Variants in RAP1GAP2 observed in about 807,000 individuals in gnomAD.
RAP1GAP2 encodes the protein RAP1 GTPase activating protein 2.
A neutral mutation model predicts 95.0 loss-of-function variants in RAP1GAP2; 27 were observed. The ratio of observed to expected loss-of-function variants is 0.28; its 90% confidence interval spans 0.21 to 0.39. The LOEUF is 0.39. Ranked by LOEUF, RAP1GAP2 falls within the 10% of genes least tolerant of loss-of-function variation. The pLI is 1.00. For missense variants in RAP1GAP2, 771 were observed against 970.0 expected (o/e 0.79, Z 2.72); for synonymous variants, 373 against 380.9 (o/e 0.98, Z 0.24).
chr17:3,017,922 T>C, intron 17 of RAP1GAP2, 139 bp from the exon 18 acceptor site: 1 of 720,092 alleles, frequency 1.4e-6, no homozygotes, highest in Non-Finnish European at 2.2e-6. Flanking sequence ...TGACCGTGTG[T>C]GTGTGTGTGT....
intron 2 of RAP1GAP2, among the ~76,000 whole-genome samples, chr17:2,860,682 C>T (rs1318635288): frequency 6.9e-6 from 1 of 145,188 alleles, no homozygotes; most frequent in Non-Finnish European, 1.5e-5. Flanking sequence ...CAGCTCACTG[C>T]AGCCTCCGCC....
Position 2,904,487 on chromosome 17 carries a change from G to A in RAP1GAP2, c.81-797G>A, listed in dbSNP as rs945783764. 1.3e-5 allele frequency among the ~76,000 whole-genome samples: 2 copies of A among 151,278 alleles called. No homozygotes were observed. Among genetic ancestry groups the A allele is most frequent in the South Asian group, 2.1e-4 (1 of 4,806 alleles). On this transcript the variant is annotated intron_variant, in intron 2 of 24. Transcript: ENST00000254695. The surrounding 1 kb of genome is among the most constrained non-coding windows in gnomAD (Gnocchi z 4.7). ...AGTTAAGTTTTACCTGCGGTTGCAC[G>A]GCAGGCAGCCCTGTCTCCCGAGGAC...
At chr17:2,947,240 G>A (rs1329753427) in intron 3 of RAP1GAP2, among the ~76,000 whole-genome samples, 2 of 151,800 alleles carry the variant, frequency 1.3e-5, no homozygotes, top group East Asian at 1.9e-4. Context: ...AAGGGAAAGA[G>A]GAGCAAGCAG....
intron 3 of RAP1GAP2, among the ~76,000 whole-genome samples, chr17:2,932,816 CAAAAAAAGAAAAA>C (rs1351371747): frequency 9.8e-5 from 1 of 10,166 alleles, no homozygotes; most frequent in African/African-American, 3.3e-4. Context: ...GACTCCATCT[CAAAAAAAGAAAAA>C]AAAAAAAAAA....
At chr17:2,845,299 C>T (rs141982969) in intron 2 of RAP1GAP2, among the ~76,000 whole-genome samples, 581 of 152,236 alleles carry the variant, frequency 3.8e-3, no homozygotes, top group African/African-American at 8.9e-3. Flanking sequence ...CCCACCACCA[C>T]GCCCAGCTAA....
intron 10 of RAP1GAP2, 88 bp from the exon 11 acceptor site, chr17:2,984,895 C>T: frequency 1.3e-6 from 2 of 1,569,976 alleles, no homozygotes; most frequent in Non-Finnish European, 1.7e-6. Flanking sequence ...ATTCTCTCCC[C>T]AAATGGATGC....
chr17:2,895,145 C>T (rs188948315), intron 2 of RAP1GAP2, among the ~76,000 whole-genome samples: 86 of 152,326 alleles, frequency 5.6e-4, no homozygotes, highest in Non-Finnish European at 1.1e-3. Flanking sequence ...GGCACCTTTA[C>T]GTCACTACCA....
rs375677593 is a variant in RAP1GAP2 at position 2,867,277 on chromosome 17, G to GA, written c.81-38001dup. ...AAGCCCCAATTCAAATTAATGTAAAGAAAAAATGAAGCTTTGGGGTTTAGG... is the reference window on the plus strand; with the variant it reads ...AAGCCCCAATTCAAATTAATGTAAAGAAAAAAATGAAGCTTTGGGGTTTAGG... On this transcript the variant is annotated intron_variant, in intron 2 of 24. Transcript: ENST00000254695. The surrounding 1 kb of genome is among the most constrained non-coding windows in gnomAD (Gnocchi z 4.5). 4.3e-3 allele frequency among the ~76,000 whole-genome samples: 655 copies of GA among 152,282 alleles called. 6 individuals are homozygous for GA. Among genetic ancestry groups the GA allele is most frequent in the African/African-American group, 0.015 (618 of 41,576 alleles).
intron 3 of RAP1GAP2, among the ~76,000 whole-genome samples, chr17:2,942,290 C>A (rs543587135): frequency 1.3e-5 from 2 of 152,252 alleles, no homozygotes; most frequent in Admixed American, 1.3e-4. Flanking sequence ...ACAGAGGATA[C>A]CTTGGGACTT....
intron 18 of RAP1GAP2, among the ~76,000 whole-genome samples, 164 bp from the exon 19 acceptor site, chr17:3,020,313 C>T (rs904574308): frequency 6.6e-6 from 1 of 152,216 alleles, no homozygotes; most frequent in Non-Finnish European, 1.5e-5. Context: ...CCTGAGTCTC[C>T]AGGTCTCAGC....
At chr17:2,826,012 G>A (rs530944278) in intron 2 of RAP1GAP2, among the ~76,000 whole-genome samples, 8 of 129,342 alleles carry the variant, frequency 6.2e-5, no homozygotes, top group Admixed American at 1.8e-4. Flanking sequence ...ACGGAGTCTT[G>A]CTCTGTCGCC....
rs2072782538 is a variant in RAP1GAP2, at chr17:2,870,130, T to A, written c.81-35154T>A. 6.6e-6 allele frequency among the ~76,000 whole-genome samples: 1 copy of A among 151,684 alleles called. No individual in the cohort carries two copies. The highest frequency in any genetic ancestry group is 1.5e-5 in the Non-Finnish European group (1 of 67,884). ...TGCTGCTTGACAATCTTTTTTTTTT[T>A]TTTTGGAGATGGAGTCTCGCACTGT... On this transcript the variant is annotated intron_variant, in intron 2 of 24. Coordinates refer to ENST00000254695, the MANE Select transcript of RAP1GAP2 (RefSeq NM_015085.5). This position sits in a 1 kb window ranked among gnomAD's most constrained non-coding sequence, Gnocchi z 4.4.
chr17:2,853,699 G>A (rs189471829), intron 2 of RAP1GAP2, among the ~76,000 whole-genome samples: 22,010 of 146,590 alleles, frequency 0.15, 1,803 homozygotes, highest in East Asian at 0.24. Context: ...CGGCGCGTCT[G>A]AGCGGGAGCC....
intron 17 of RAP1GAP2, 117 bp from the exon 18 acceptor site, chr17:3,017,944 T>TGC (rs1358883429): frequency 1.2e-6 from 1 of 863,474 alleles, no homozygotes; most frequent in Admixed American, 2.8e-5. Context: ...TGTGTGTGTG[T>TGC]GTGTATGTGT....
intron 2 of RAP1GAP2, among the ~76,000 whole-genome samples, chr17:2,831,757 T>C (rs970090046): frequency 5.3e-5 from 8 of 151,974 alleles, no homozygotes; most frequent in Non-Finnish European, 2.9e-5. Flanking sequence ...AAATTAGATG[T>C]GGTGGTGCAC....
At chr17:2,967,167 G>C (rs140147506) in intron 8 of RAP1GAP2, among the ~76,000 whole-genome samples, 7,353 of 152,146 alleles carry the variant, frequency 0.048, 231 homozygotes, top group Non-Finnish European at 0.073. Flanking sequence ...AGGAGATCGA[G>C]ACCATCCTGG....
chr17:2,905,458 G>T, intron 3 of RAP1GAP2, 90 bp downstream of exon 3: 3 of 1,277,694 alleles, frequency 2.3e-6, no homozygotes, highest in Non-Finnish European at 3.3e-6. Flanking sequence ...GCCCAGCAGC[G>T]TCCGTCGCAG....
At chr17:2,939,792 C>G (rs1209517167) in intron 3 of RAP1GAP2, among the ~76,000 whole-genome samples, 1 of 152,244 alleles carries the variant, frequency 6.6e-6, no homozygotes, top group Non-Finnish European at 1.5e-5. Flanking sequence ...AAGGGACCCC[C>G]TTGCCCTTAT....
chr17:2,810,813 G>A (rs1333852878), intron 2 of RAP1GAP2, among the ~76,000 whole-genome samples: 1 of 152,124 alleles, frequency 6.6e-6, no homozygotes, highest in Non-Finnish European at 1.5e-5. Flanking sequence ...ACAGGCGTGA[G>A]CCACCGCGCC....
Sources: allele counts gnomAD v4.1 joint callset (sites outside exome capture counted in the v4.1 genomes callset), GRCh38; gene constraint gnomAD v4.1.1; non-coding constraint Gnocchi (gnomAD v3.1); transcripts MANE v1.5; gene names NCBI Gene and HGNC (gene_info 2026-07-23, HGNC 2026-07-21).